Variants in UGCG observed in about 807,000 individuals in gnomAD.
UGCG encodes the protein ceramide glucosyltransferase.
A neutral mutation model predicts 49.5 loss-of-function variants in UGCG; 10 were observed. The observed-to-expected ratio is 0.20, with a 90% CI of 0.12 to 0.34. The LOEUF (loss-of-function observed/expected upper bound fraction) is 0.34. Among genes scored for constraint, UGCG ranks in the 10% least tolerant of loss-of-function variants. UGCG has a pLI of 1.00. For missense variants in UGCG, 312 were observed against 483.7 expected (o/e 0.65, Z 3.33); for synonymous variants, 182 against 158.2 (o/e 1.15, Z -1.13).
chr9:111,933,256 ATTG>A lies in UGCG; in HGVS notation c.*265_*267del, dbSNP rs1838459283. On this transcript the variant is annotated 3_prime_UTR_variant, in exon 9 of 9. Transcript: ENST00000374279. ...TTCTAGGAACCTGGGTTCGTTCATC[ATTG>A]TTGTTTATTTTTTTAAAATAAATAA... 1 of 201,234 alleles carries A rather than the reference ATTG, an allele frequency of 5.0e-6. No individual in the cohort carries two copies. The highest frequency in any genetic ancestry group is 1.1e-4 in the East Asian group (1 of 8,976). The allele number at this position is 201,234 out of a possible 1,614,324, so 12.5% of individuals were successfully genotyped here. A position where few individuals can be genotyped will look rare whatever the true frequency, so the allele number is the denominator to read the frequency against.
intron 8 of UGCG, 69 bp downstream of exon 8, chr9:111,932,428 G>A (rs1838442674): frequency 2.7e-6 from 4 of 1,462,188 alleles, no homozygotes; most frequent in African/African-American, 2.8e-5. Flanking sequence ...TTTAGAAAAA[G>A]TTGAAGGAAA....
chr9:111,905,232 C>T lies in UGCG; in HGVS notation c.98+7919C>T, dbSNP rs550278846. On this transcript the variant is annotated intron_variant, in intron 1 of 8. Transcript: ENST00000374279. The stretch of plus-strand genomic sequence containing the variant: ...TCTACCCTTATCCTCCATGAACTGC[C>T]CCAATTCTTGCCAAAAGTGCTCAGA... Among the ~76,000 whole-genome samples, 3 of 152,208 alleles carry T rather than the reference C, an allele frequency of 2.0e-5. 1 individual carries two copies. Among genetic ancestry groups the T allele is most frequent in the African/African-American group, 7.2e-5 (3 of 41,524 alleles).
rs1429101855 is a variant in UGCG at position 111,911,925 on chromosome 9, T to C, written c.99-2680T>C. Among the ~76,000 whole-genome samples the C allele has an allele frequency of 9.2e-3, 226 of 24,674 alleles. 3 individuals carry two copies. Among genetic ancestry groups the C allele is most frequent in the African/African-American group, 0.045 (205 of 4,596 alleles). 16.2% of individuals were successfully genotyped at this position (24,674 alleles called of 152,430 possible). Reference sequence around the variant, plus strand: ...AACAGGATATATATATATATATATATATATATATATATATATATATATATA... The same window carrying C: ...AACAGGATATATATATATATATATACATATATATATATATATATATATATA... On this transcript the variant is annotated intron_variant, in intron 1 of 8. Transcript: ENST00000374279.
intron 3 of UGCG, among the ~76,000 whole-genome samples, chr9:111,923,956 AT>A (rs1343982483): frequency 6.6e-6 from 1 of 151,714 alleles, no homozygotes; most frequent in Admixed American, 6.6e-5. Flanking sequence ...CGCTCAGCTA[AT>A]TTTTTTGTAT....
At chr9:111,901,893 G>T (rs967437365) in intron 1 of UGCG, among the ~76,000 whole-genome samples, 1 of 151,970 alleles carries the variant, frequency 6.6e-6, no homozygotes, top group Non-Finnish European at 1.5e-5. Context: ...ATTTCTTATT[G>T]TAGCCTTTAT....
chr9:111,926,751 A>C (rs1480509199), intron 5 of UGCG, among the ~76,000 whole-genome samples: 1 of 151,872 alleles, frequency 6.6e-6, no homozygotes, highest in African/African-American at 2.4e-5. Context: ...AGCTGAACAC[A>C]GTCTAACCTC....
intron 1 of UGCG, among the ~76,000 whole-genome samples, chr9:111,912,403 C>A (rs1481498185): frequency 2.0e-5 from 3 of 151,834 alleles, no homozygotes; most frequent in Non-Finnish European, 2.9e-5. Context: ...CATGGTGAAA[C>A]CCTGTGTCTA....
chr9:111,897,460 G>C, intron 1 of UGCG, 147 bp downstream of exon 1: 1 of 656,814 alleles, frequency 1.5e-6, no homozygotes, highest in East Asian at 3.1e-5. Flanking sequence ...CCGTTCCCTC[G>C]CCCCTCGGAC....
intron 1 of UGCG, among the ~76,000 whole-genome samples, chr9:111,910,327 T>C (rs917504144): frequency 6.6e-6 from 1 of 152,212 alleles, no homozygotes; most frequent in Non-Finnish European, 1.5e-5. Flanking sequence ...CCTGCATGTT[T>C]TGGTAGTTTA....
At chr9:111,921,802 A>ATTTTTTTTTTTTT (rs71373800) in intron 2 of UGCG, among the ~76,000 whole-genome samples, 648 of 55,524 alleles carry the variant, frequency 0.012, 138 homozygotes, top group Non-Finnish European at 0.016. Context: ...CCCCAGGGTG[A>ATTTTTTTTTTTTT]TTTTTTTTTT....
intron 2 of UGCG, among the ~76,000 whole-genome samples, chr9:111,915,184 A>G (rs1838090499): frequency 6.6e-6 from 1 of 152,218 alleles, no homozygotes; most frequent in Non-Finnish European, 1.5e-5. Context: ...AGAATAGATT[A>G]CAGTTAGTGG....
At chr9:111,921,828 T>TTTTTTTTTTTTTTTTTTTTTTGG (rs1838227949) in intron 2 of UGCG, among the ~76,000 whole-genome samples, 1 of 134,298 alleles carries the variant, frequency 7.4e-6, no homozygotes. Flanking sequence ...TTTTTTTTTT[T>TTTTTTTTTTTTTTTTTTTTTTGG]GAGGCAGGGT....
At chr9:111,898,421 A>G (rs2131710263) in intron 1 of UGCG, among the ~76,000 whole-genome samples, 1 of 151,628 alleles carries the variant, frequency 6.6e-6, no homozygotes, top group South Asian at 2.1e-4. Flanking sequence ...TTTACTGCGG[A>G]AAAAGTGTGC....
intron 1 of UGCG, among the ~76,000 whole-genome samples, chr9:111,912,557 C>T (rs551742783): frequency 2.0e-5 from 3 of 150,900 alleles, no homozygotes; most frequent in East Asian, 1.9e-4. Flanking sequence ...CAGCCTGGGT[C>T]GCAGAGCAAA....
At chr9:111,913,732 A>G (rs56380940) in intron 1 of UGCG, among the ~76,000 whole-genome samples, 20,943 of 151,274 alleles carry the variant, frequency 0.14, 1,963 homozygotes, top group African/African-American at 0.27. Flanking sequence ...GTGAGCCACC[A>G]CACCTGTGTG....
chr9:111,897,664 T>C (rs560329452), intron 1 of UGCG, among the ~76,000 whole-genome samples: 73 of 152,150 alleles, frequency 4.8e-4, no homozygotes, highest in African/African-American at 1.6e-3. Flanking sequence ...ATTGTTTTTT[T>C]CTCCCGACCT....
intron 1 of UGCG, among the ~76,000 whole-genome samples, chr9:111,910,064 A>G (rs1837967758): frequency 1.3e-5 from 2 of 152,264 alleles, no homozygotes; most frequent in African/African-American, 2.4e-5. Context: ...GAATGAATCT[A>G]TGATAAAATA....
intron 5 of UGCG, among the ~76,000 whole-genome samples, chr9:111,926,872 T>TC (rs1364028826): frequency 9.5e-6 from 1 of 105,580 alleles, no homozygotes; most frequent in African/African-American, 4.9e-5. Context: ...TTTTTTTTTT[T>TC]TTTTTTTTTT....
At chr9:111,897,384 G>T (rs1267654809) in intron 1 of UGCG, 71 bp downstream of exon 1, 5 of 1,291,566 alleles carry the variant, frequency 3.9e-6, no homozygotes, top group Non-Finnish European at 5.4e-6. Flanking sequence ...AATGGGAAAC[G>T]TTTGCGCTTT....
Sources: allele counts gnomAD v4.1 joint callset (sites outside exome capture counted in the v4.1 genomes callset), GRCh38; gene constraint gnomAD v4.1.1; transcripts MANE v1.5; gene names NCBI Gene and HGNC (gene_info 2026-07-23, HGNC 2026-07-21).